NBN: variants seen among roughly 807,000 people sequenced by gnomAD.
NBN encodes the protein Nijmegen breakage syndrome 1 (nibrin).
NBN carries 88 observed loss-of-function variants against 90.8 expected under a neutral mutation model. The observed-to-expected ratio is 0.97, with a 90% CI of 0.82 to 1.16. NBN has a LOEUF of 1.16. NBN is among the 50% of genes most tolerant of loss of function. The pLI is 0.00. For synonymous variants in NBN, 328 were observed against 295.1 expected (o/e 1.11, Z -1.14); for missense variants, 894 against 869.6 (o/e 1.03, Z -0.35).
intron 3 of NBN, 63 bp from the exon 4 acceptor site, chr8:89,980,956 G>T: frequency 6.9e-7 from 1 of 1,456,878 alleles, no homozygotes; most frequent in Non-Finnish European, 9.5e-7. Flanking sequence ...GCAATTTTTA[G>T]TACTTTAAAA....
At chr8:89,959,589 C>A (rs1452921972) in intron 8 of NBN, among the ~76,000 whole-genome samples, 2 of 151,846 alleles carry the variant, frequency 1.3e-5, no homozygotes, top group Non-Finnish European at 2.9e-5. Context: ...CCCATCTCTA[C>A]AAAAATTAAA....
In NBN at chr8:89,955,359, T is replaced by G. The variant is rs751876787; in HGVS notation, c.1321A>C (p.Lys441Gln). Residue 441 changes from lysine to glutamine, a missense_variant, in exon 10 of 16, where the codon AAA (lysine) becomes CAA (glutamine). Physicochemically the swap from Lys to Gln is moderately conservative, Grantham distance 53 (BLOSUM62 1). Transcript: ENST00000265433. ...LSPTKLPSIN[K>Q]SKDRASQQQQ... ...TGCTGAGAAGCCCTATCTTTACTTT[T>G]ATTTATACTTGGCAATTTAGTTGGT... 1 of 1,613,880 alleles carries G rather than the reference T, an allele frequency of 6.2e-7. No individual in the cohort carries two copies.
At chr8:89,949,088 T>C (rs555847151) in intron 11 of NBN, among the ~76,000 whole-genome samples, 2 of 152,318 alleles carry the variant, frequency 1.3e-5, no homozygotes, top group South Asian at 2.1e-4. Flanking sequence ...CAAACTGCCT[T>C]TCATGGCAGA....
intron 2 of NBN, chr8:89,981,967 T>A (rs1242364160): frequency 5.0e-6 from 6 of 1,203,524 alleles, no homozygotes; most frequent in Non-Finnish European, 6.5e-6. Context: ...ACAATTTTAC[T>A]TTTTCTGTAG....
At chr8:89,974,247 A>G (rs1306812236) in intron 5 of NBN, among the ~76,000 whole-genome samples, 1 of 128,454 alleles carries the variant, frequency 7.8e-6, no homozygotes, top group Admixed American at 7.8e-5. Flanking sequence ...CATTTACTAT[A>G]TGGCTTTTTT....
intron 8 of NBN, among the ~76,000 whole-genome samples, chr8:89,961,439 T>A (rs1810987177): frequency 6.6e-6 from 1 of 152,162 alleles, no homozygotes; most frequent in African/African-American, 2.4e-5. Context: ...AAACTCCGGC[T>A]GGAATGCAAA....
Position 89,953,592 on chromosome 8 carries a change from T to C in NBN, c.1497A>G (p.Ser499=), listed in dbSNP as rs774032674. 6.2e-7 allele frequency: 1 copy of C among 1,613,634 alleles called. No homozygotes were observed. The highest frequency in any genetic ancestry group is 8.5e-7 in the Non-Finnish European group (1 of 1,179,704). Residue 499 remains serine (S), a synonymous_variant, in exon 11 of 16, where the codon TCA becomes TCG. Transcript: ENST00000265433. The part of the protein sequence containing the change: ...LLEQTQPATP[S]LWKNKEQHLS... Reference sequence around the variant, plus strand: ...GATGCTGCTCCTTATTTTTCCACAATGAGGGTGTAGCAGGTTGTGTTTGTT... The same window carrying C: ...GATGCTGCTCCTTATTTTTCCACAACGAGGGTGTAGCAGGTTGTGTTTGTT...
chr8:89,977,237 C>G lies in NBN; in HGVS notation c.584+983G>C, dbSNP rs539212643. ...CCTCCCCTTGTCCCCCACCCCCAAA[C>G]AGGCCCCGGTATGTGATGTTCCCCT... On this transcript the variant is annotated intron_variant, in intron 5 of 15. Coordinates refer to ENST00000265433, the MANE Select transcript of NBN (RefSeq NM_002485.5). Among the ~76,000 whole-genome samples the G allele has an allele frequency of 2.0e-5, 3 of 150,544 alleles. No homozygotes were observed. In the South Asian group the frequency reaches 6.4e-4, roughly 32 times the overall value.
At chr8:89,946,070 G>A (rs934221400) in intron 13 of NBN, 70 bp downstream of exon 13, 2 of 1,208,432 alleles carry the variant, frequency 1.7e-6, no homozygotes, top group African/African-American at 3.0e-5. Context: ...TTTTATCTTT[G>A]TTTAGCATCA....
In NBN at chr8:89,935,341, T is replaced by G. The variant is rs918518363; in HGVS notation, c.*241A>C. On this transcript the variant is annotated 3_prime_UTR_variant, in exon 16 of 16. Transcript: ENST00000265433. ...AATTTTGAACTGTGACTATATTAAC[T>G]ATTTAATAAACAAAACACATTTAAA... 3 of 466,782 alleles carry G rather than the reference T, an allele frequency of 6.4e-6. No individual in the cohort carries two copies. The highest frequency in any genetic ancestry group is 1.2e-3 in the Middle Eastern group (2 of 1,716). The allele number at this position is 466,782 out of a possible 1,614,324, so 28.9% of individuals were successfully genotyped here. A position where few individuals can be genotyped will look rare whatever the true frequency, so the allele number is the denominator to read the frequency against.
chr8:89,964,592 T>A, intron 7 of NBN, 85 bp from the exon 8 acceptor site: 1 of 1,334,914 alleles, frequency 7.5e-7, no homozygotes, highest in Non-Finnish European at 1.0e-6. Flanking sequence ...AGCAACCTCT[T>A]TTTTTTCCTC....
At chr8:89,968,882 T>C (rs1811373251) in intron 7 of NBN, among the ~76,000 whole-genome samples, 1 of 152,242 alleles carries the variant, frequency 6.6e-6, no homozygotes, top group African/African-American at 2.4e-5. Context: ...GGAACTACAG[T>C]AAATTTGTGT....
intron 8 of NBN, among the ~76,000 whole-genome samples, chr8:89,962,240 A>G (rs1389754508): frequency 3.3e-5 from 5 of 152,230 alleles, no homozygotes; most frequent in Admixed American, 3.3e-4. Flanking sequence ...TGTATTCAGA[A>G]TTGTTTCTGA....
chr8:89,971,812 C>G (rs897676258), intron 5 of NBN, among the ~76,000 whole-genome samples: 1 of 152,092 alleles, frequency 6.6e-6, no homozygotes, highest in Non-Finnish European at 1.5e-5. Context: ...CAAAACAAGA[C>G]TAAAGAATAT....
intron 7 of NBN, among the ~76,000 whole-genome samples, chr8:89,968,501 C>G (rs978969553): frequency 6.6e-6 from 1 of 152,172 alleles, no homozygotes; most frequent in Non-Finnish European, 1.5e-5. Context: ...CTCATCTGCA[C>G]AGTGAGGACC....
At position 89,979,743 on chromosome 8, in the gene NBN, G is replaced by C. The variant is rs1811963353; in HGVS notation, c.480+991C>G. On this transcript the variant is annotated intron_variant, in intron 4 of 15. Coordinates refer to ENST00000265433, the MANE Select transcript of NBN (RefSeq NM_002485.5). ...ACAAATTACTCTGTAAACCACGTTGGTGTGTGTAATGGAGCAATTCACAAG... is the reference window on the plus strand; with the variant it reads ...ACAAATTACTCTGTAAACCACGTTGCTGTGTGTAATGGAGCAATTCACAAG... Among the ~76,000 whole-genome samples the C allele has an allele frequency of 3.3e-5, 5 of 152,184 alleles. No individual in the cohort carries two copies. In the South Asian group the frequency reaches 8.3e-4, roughly 25 times the overall value.
rs73696841 is a variant in NBN at position 89,939,313 on chromosome 8, C to G, written c.2185-2238G>C. ...ACATAAATAAGCAGTAGCCATGCAG[C>G]AAAAGCAAGTCAAGTCTGTTATAGA... On this transcript the variant is annotated intron_variant, in intron 14 of 15. Coordinates refer to ENST00000265433, the MANE Select transcript of NBN (RefSeq NM_002485.5). 8.8e-3 allele frequency among the ~76,000 whole-genome samples: 1,338 copies of G among 151,876 alleles called. 19 individuals carry two copies. Among genetic ancestry groups the G allele is most frequent in the African/African-American group, 0.029 (1,215 of 41,376 alleles).
rs1060504925 is a variant in NBN, at chr8:89,947,898, GAAATA to G, written c.1846-11_1846-7del. ...TTCCCAATTTCATTTTCTTGCTAAA[GAAATA>G]AAATAAAAAATACTGTTCATAGGAG... On this transcript the variant is annotated splice_region_variant and splice_polypyrimidine_tract_variant and intron_variant, in intron 11 of 15. Transcript: ENST00000265433. 5.9e-6 allele frequency: 9 copies of G among 1,523,114 alleles called. No individual in the cohort carries two copies. Among genetic ancestry groups the G allele is most frequent in the South Asian group, 2.3e-5 (2 of 85,692 alleles). 94.3% of individuals were successfully genotyped at this position (1,523,114 alleles called of 1,614,324 possible). A position where few individuals can be genotyped will look rare whatever the true frequency, so the allele number is the denominator to read the frequency against.
In NBN at chr8:89,958,865, CACAAGT is replaced by C; in HGVS notation, c.995-17_995-12del. On this transcript the variant is annotated splice_polypyrimidine_tract_variant and intron_variant, in intron 8 of 15. Transcript: ENST00000265433. The stretch of plus-strand genomic sequence containing the variant: ...TTGTTGTCTTTAATCCTGTAAATCA[CACAAGT>C]AGAAAGAAAGAATCACAACTGCTAG... 1 of 1,613,216 alleles carries C rather than the reference CACAAGT, an allele frequency of 6.2e-7. No individual in the cohort carries two copies. The highest frequency in any genetic ancestry group is 8.5e-7 in the Non-Finnish European group (1 of 1,179,374).
Sources: gnomAD v4.1 joint callset for allele counts (sites outside exome capture counted in the v4.1 genomes callset) on GRCh38, gnomAD v4.1.1 for gene constraint, MANE v1.5 for transcripts, NCBI Gene and HGNC (gene_info 2026-07-23, HGNC 2026-07-21) for gene names.